GAREM1: variants seen among roughly 807,000 people sequenced by gnomAD.
The protein encoded by GAREM1 is GRB2-associated and regulator of MAPK protein 1.
GAREM1 carries 26 observed loss-of-function variants against 71.3 expected under a neutral mutation model. The ratio of observed to expected loss-of-function variants is 0.36; its 90% CI spans 0.27 to 0.51. The LOEUF (loss-of-function observed/expected upper bound fraction) is 0.51. GAREM1 is among the 20% of genes least tolerant of loss of function. The pLI, the probability that GAREM1 is intolerant of heterozygous loss-of-function variation, is 0.95. For missense variants in GAREM1, 1,026 were observed against 1,103.1 expected (o/e 0.93, Z 0.99); for synonymous variants, 440 against 433.2 (o/e 1.02, Z -0.20).
chr18:32,324,622 T>G (rs1456193646), intron 2 of GAREM1, among the ~76,000 whole-genome samples: 1 of 152,208 alleles, frequency 6.6e-6, no homozygotes, highest in African/African-American at 2.4e-5. Context: ...GTCCAAATTC[T>G]AACACCCACG....
chr18:32,457,194 G>A (rs2048898192), intron 1 of GAREM1, among the ~76,000 whole-genome samples: 1 of 119,284 alleles, frequency 8.4e-6, no homozygotes, highest in South Asian at 3.5e-4. Context: ...GAGAGATTGT[G>A]TGTGTAGGGG....
In GAREM1 at chr18:32,268,529, G is replaced by T; in HGVS notation, c.1973C>A (p.Pro658Gln). The T allele has an allele frequency of 6.2e-7, 1 of 1,614,132 alleles. No homozygotes were observed. The highest frequency in any genetic ancestry group is 1.1e-5 in the South Asian group (1 of 91,080). ...TGGGCAGTTTCTCTTTGGTGTGCCTGGCGTCTTTTGTCTAGGGTAACTATA... is the reference window on the plus strand; with the variant it reads ...TGGGCAGTTTCTCTTTGGTGTGCCTTGCGTCTTTTGTCTAGGGTAACTATA... ...RSYSYPRQKT[P>Q]GTPKRNCPAP... Residue 658 changes from proline to glutamine, a missense_variant, in exon 6 of 6, where the codon CCA (proline) becomes CAA (glutamine). Physicochemically the swap from Pro to Gln is moderately conservative, Grantham distance 76. This residue lies in a region of GAREM1 where 636 missense variants were observed against 631.2 expected (regional missense o/e 1.01). Transcript: ENST00000269209.
chr18:32,387,038 A>T (rs1222113314), intron 2 of GAREM1, among the ~76,000 whole-genome samples: 9 of 150,054 alleles, frequency 6.0e-5, no homozygotes, highest in African/African-American at 2.3e-4. Flanking sequence ...TTTTTTTAAA[A>T]AAAAATCACA....
intron 2 of GAREM1, among the ~76,000 whole-genome samples, chr18:32,388,868 A>G (rs1266419886): frequency 1.3e-5 from 2 of 152,196 alleles, no homozygotes; most frequent in Admixed American, 6.5e-5. Flanking sequence ...ACAATCAACA[A>G]AACTGGAACA....
At chr18:32,281,244 C>T (rs2046948366) in intron 4 of GAREM1, among the ~76,000 whole-genome samples, 2 of 152,108 alleles carry the variant, frequency 1.3e-5, no homozygotes, top group African/African-American at 2.4e-5. Flanking sequence ...TTATCTATCA[C>T]ATAGTGAGTG....
chr18:32,420,444 C>T (rs1173716705), intron 1 of GAREM1, among the ~76,000 whole-genome samples: 5 of 152,006 alleles, frequency 3.3e-5, no homozygotes, highest in Admixed American at 2.0e-4. Flanking sequence ...CTCTACCTCC[C>T]GGGATGCATC....
At chr18:32,280,405 G>C (rs1262921577) in intron 4 of GAREM1, among the ~76,000 whole-genome samples, 1 of 152,154 alleles carries the variant, frequency 6.6e-6, no homozygotes, top group Admixed American at 6.6e-5. Flanking sequence ...GCCCGAGGAA[G>C]GGAGTCAGTT....
At chr18:32,357,832 T>C (rs144145101) in intron 2 of GAREM1, among the ~76,000 whole-genome samples, 1 of 152,282 alleles carries the variant, frequency 6.6e-6, no homozygotes, top group African/African-American at 2.4e-5. Context: ...TTGTAATGAA[T>C]AAATAAGTTA....
At chr18:32,424,784 C>G (rs1001234343) in intron 1 of GAREM1, among the ~76,000 whole-genome samples, 7 of 152,172 alleles carry the variant, frequency 4.6e-5, no homozygotes, top group African/African-American at 1.7e-4. Context: ...GTTTTACTCA[C>G]TTTCCTTTGT....
intron 3 of GAREM1, among the ~76,000 whole-genome samples, chr18:32,294,736 T>C (rs1483078144): frequency 1.3e-5 from 2 of 152,318 alleles, no homozygotes; most frequent in African/African-American, 2.4e-5. Flanking sequence ...TGTAAGGTTT[T>C]TTCTCCAGTT....
chr18:32,317,309 G>T (rs1352890081), intron 2 of GAREM1, among the ~76,000 whole-genome samples: 1 of 151,054 alleles, frequency 6.6e-6, no homozygotes, highest in Non-Finnish European at 1.5e-5. Context: ...GGAGGCTGAG[G>T]CAGAAGAATT....
rs1390863434 is a variant in GAREM1, at chr18:32,265,325, C to CT, written c.*2545_*2546insA. 9 of 152,224 alleles carry CT rather than the reference C, an allele frequency of 5.9e-5. No homozygotes were observed. The highest frequency in any genetic ancestry group is 2.2e-4 in the African/African-American group (9 of 41,448). The allele number at this position is 152,224 out of a possible 1,614,324, so 9.4% of individuals were successfully genotyped here. On this transcript the variant is annotated 3_prime_UTR_variant, in exon 6 of 6. Coordinates refer to ENST00000269209, the MANE Select transcript of GAREM1 (RefSeq NM_001242409.2). ...GCAATGAGAGAGATACTTTCTGCCT[C>CT]CAACACATTCCAAGTTTTAGTGATC...
At chr18:32,429,885 A>C (rs1047334539) in intron 1 of GAREM1, among the ~76,000 whole-genome samples, 3 of 152,214 alleles carry the variant, frequency 2.0e-5, no homozygotes, top group African/African-American at 4.8e-5. Context: ...AAACAAAAAC[A>C]AAACCACAGT....
chr18:32,457,910 A>C (rs2048912608), intron 1 of GAREM1, among the ~76,000 whole-genome samples: 1 of 152,134 alleles, frequency 6.6e-6, no homozygotes, highest in African/African-American at 2.4e-5. Context: ...CTGGACTTTT[A>C]ATTTCTCTTC....
At chr18:32,340,332 G>A (rs2047636077) in intron 2 of GAREM1, among the ~76,000 whole-genome samples, 1 of 152,176 alleles carries the variant, frequency 6.6e-6, no homozygotes, top group African/African-American at 2.4e-5. Context: ...TAGAGAAAAA[G>A]TGCTGTGAGA....
chr18:32,448,111 T>C (rs113813977), intron 1 of GAREM1, among the ~76,000 whole-genome samples: 1,785 of 152,254 alleles, frequency 0.012, 18 homozygotes, highest in Non-Finnish European at 0.019. Flanking sequence ...TCTTGCCCCA[T>C]TGTCAAAGAG....
chr18:32,317,202 T>C (rs644274), intron 2 of GAREM1, among the ~76,000 whole-genome samples: 42,974 of 151,826 alleles, frequency 0.28, 7,622 homozygotes, highest in African/African-American at 0.5. Context: ...GCCAGGAGTT[T>C]AAGACCAACC....
chr18:32,374,350 T>C (rs972246745), intron 2 of GAREM1, among the ~76,000 whole-genome samples: 5 of 152,230 alleles, frequency 3.3e-5, no homozygotes, highest in African/African-American at 1.2e-4. Flanking sequence ...TTTCTAGATA[T>C]ACGTTTATAT....
At chr18:32,275,686 C>G (rs774612475) in intron 4 of GAREM1, among the ~76,000 whole-genome samples, 3 of 151,488 alleles carry the variant, frequency 2.0e-5, no homozygotes, top group Non-Finnish European at 4.4e-5. Flanking sequence ...AAGTCTATCT[C>G]TTTTTTTTTG....
Sources: allele counts gnomAD v4.1 joint callset (sites outside exome capture counted in the v4.1 genomes callset), GRCh38; gene constraint gnomAD v4.1.1; regional missense constraint gnomAD v4.1.1; transcripts MANE v1.5; gene names NCBI Gene and HGNC (gene_info 2026-07-23, HGNC 2026-07-21).